Variants in BLTP1 observed in about 807,000 individuals in gnomAD.
BLTP1 encodes the protein bridge-like lipid transfer protein family member 1, also known as fragile site-associated protein.
chr4:122,248,959 A>T, the BLTP1 span: 1 of 394,324 alleles, frequency 2.5e-6, no homozygotes, highest in Non-Finnish European at 3.4e-6. Context: ...AAAGTAAGAT[A>T]AAGTAAAACT....
chr4:122,256,002 A>T, the BLTP1 span: 10 of 954,682 alleles, frequency 1.0e-5, no homozygotes, highest in Non-Finnish European at 1.2e-5. Context: ...GGACTAATTG[A>T]TGATTGAGGG....
the BLTP1 span, chr4:122,185,544 C>T: frequency 1.8e-6 from 1 of 546,838 alleles, no homozygotes. Flanking sequence ...AGATTGAAGT[C>T]CACAGTTCAT....
At chr4:122,166,504 C>G in the BLTP1 span, among the ~76,000 whole-genome samples, 108 of 152,182 alleles carry the variant, frequency 7.1e-4, 1 homozygote, top group East Asian at 9.5e-3. Context: ...AAGTCAGGTA[C>G]CGTGATGCCT....
chr4:122,344,539 T>C, the BLTP1 span: 1 of 1,608,648 alleles, frequency 6.2e-7, no homozygotes, highest in Non-Finnish European at 8.5e-7. Context: ...GCAAAATGGA[T>C]ACTACGTTAA....
At chr4:122,178,194 A>T in the BLTP1 span, 3 of 846,166 alleles carry the variant, frequency 3.5e-6, no homozygotes, top group Non-Finnish European at 4.3e-6. Flanking sequence ...TACCAGTAGA[A>T]ATTAATTCTT....
At chr4:122,223,375 T>C in the BLTP1 span, among the ~76,000 whole-genome samples, 2 of 152,180 alleles carry the variant, frequency 1.3e-5, no homozygotes, top group Non-Finnish European at 2.9e-5. Context: ...ATTTGCGAAC[T>C]GCCTCAATGT....
the BLTP1 span, chr4:122,226,845 C>G: frequency 6.3e-7 from 1 of 1,575,974 alleles, no homozygotes; most frequent in Non-Finnish European, 8.6e-7. Context: ...GGTATATTAA[C>G]AAATATGTTA....
chr4:122,180,843 A>T, the BLTP1 span, among the ~76,000 whole-genome samples: 3 of 152,216 alleles, frequency 2.0e-5, no homozygotes, highest in Admixed American at 2.0e-4. Flanking sequence ...TATTTATGTA[A>T]TTTATTTAAC....
At chr4:122,175,804 A>G in the BLTP1 span, 3 of 1,306,862 alleles carry the variant, frequency 2.3e-6, no homozygotes, top group Non-Finnish European at 3.3e-6. Context: ...AAATGAGTTA[A>G]GTAAATTGTT....
chr4:122,312,859 A>T, the BLTP1 span: 1 of 835,632 alleles, frequency 1.2e-6, no homozygotes, highest in Non-Finnish European at 1.4e-6. Context: ...GAATTACAAA[A>T]GGACATTAAA....
the BLTP1 span, among the ~76,000 whole-genome samples, chr4:122,176,528 A>G: frequency 2.0e-5 from 3 of 152,144 alleles, no homozygotes; most frequent in African/African-American, 7.2e-5. Context: ...GTACACTACC[A>G]CTCATGTTTT....
the BLTP1 span, chr4:122,173,331 C>T: frequency 1.0e-5 from 2 of 198,018 alleles, no homozygotes; most frequent in Non-Finnish European, 1.8e-5. Flanking sequence ...CTGGTAAGGA[C>T]CTTTTTACCA....
chr4:122,179,007 G>A, the BLTP1 span, among the ~76,000 whole-genome samples: 3 of 152,176 alleles, frequency 2.0e-5, no homozygotes, highest in Non-Finnish European at 4.4e-5. Context: ...GGCAAGGCAT[G>A]TTGGCTCATG....
the BLTP1 span, chr4:122,339,218 C>T: frequency 6.2e-7 from 1 of 1,612,598 alleles, no homozygotes; most frequent in Non-Finnish European, 8.5e-7. Context: ...CCTCACAGAT[C>T]AAATTTAGCT....
the BLTP1 span, chr4:122,298,805 C>T: frequency 1.9e-5 from 18 of 938,200 alleles, no homozygotes; most frequent in Non-Finnish European, 2.3e-5. Context: ...GATTGAGCGC[C>T]TTTCAAGAGA....
chr4:122,328,407 A>G, the BLTP1 span: 1 of 1,511,012 alleles, frequency 6.6e-7, no homozygotes, highest in East Asian at 2.3e-5. Flanking sequence ...GAATCTAGAA[A>G]TGAGCACAAA....
At chr4:122,293,621 G>C in the BLTP1 span, among the ~76,000 whole-genome samples, 1 of 152,072 alleles carries the variant, frequency 6.6e-6, no homozygotes, top group Non-Finnish European at 1.5e-5. Context: ...CACGCACAGA[G>C]ACACAGGAGT....
chr4:122,349,778 G>A, the BLTP1 span: 1 of 1,566,816 alleles, frequency 6.4e-7, no homozygotes, highest in Non-Finnish European at 8.6e-7. This position sits in a 1 kb window ranked among gnomAD's most constrained non-coding sequence, Gnocchi z 4.5. Flanking sequence ...AAAAAGCTGG[G>A]CGGGGGAAGA....
the BLTP1 span, chr4:122,232,037 G>A: frequency 2.0e-6 from 2 of 983,512 alleles, no homozygotes; most frequent in Non-Finnish European, 2.4e-6. Flanking sequence ...TCTTTGATTA[G>A]GTTAGGTGGT....
Sources: gnomAD v4.1 joint callset for allele counts (sites outside exome capture counted in the v4.1 genomes callset) on GRCh38, gnomAD v4.1.1 for gene constraint, Gnocchi (gnomAD v3.1) non-coding constraint, MANE v1.5 for transcripts, NCBI Gene and HGNC (gene_info 2026-07-23, HGNC 2026-07-21) for gene names.